RFX2: variants seen among roughly 807,000 people sequenced by gnomAD.
RFX2 encodes the protein DNA-binding protein RFX2.
In RFX2, 20 loss-of-function variants were observed where a neutral mutation model predicts 87.8. The ratio of observed to expected loss-of-function variants is 0.23; its 90% CI spans 0.16 to 0.33. RFX2 has a LOEUF of 0.33. Ranked by LOEUF, RFX2 falls within the 10% of genes least tolerant of loss-of-function variation. RFX2 has a pLI of 1.00. For synonymous variants in RFX2, 397 were observed against 431.3 expected, an observed-to-expected ratio of 0.92 and a Z score of 0.98; for missense variants, 767 against 1,012.3, an observed-to-expected ratio of 0.76 and a Z score of 3.29.
rs758690114 is a variant in RFX2, at chr19:6,042,130, C to T, written c.181-7G>A. 2 of 1,613,498 alleles carry T rather than the reference C, an allele frequency of 1.2e-6. No individual in the cohort carries two copies. Among genetic ancestry groups the T allele is most frequent in the South Asian group, 2.2e-5 (2 of 91,086 alleles). On this transcript the variant is annotated splice_polypyrimidine_tract_variant and splice_region_variant and intron_variant, in intron 3 of 17. Coordinates refer to ENST00000303657, the MANE Select transcript of RFX2 (RefSeq NM_000635.4). ...CGTGCTGCACCGGCTGCACCTGAAA[C>T]ATCGGATACGCTGCGTTACCGCCAG...
rs1257456418 is a variant in RFX2 at position 6,083,961 on chromosome 19, C to T, written c.-9+26432G>A. On this transcript the variant is annotated intron_variant, in intron 1 of 17. Transcript: ENST00000303657. This position sits in a 1 kb window ranked among gnomAD's most constrained non-coding sequence, Gnocchi z 4.6. ...ACATTCTCTTCCCAGCCCCAGATCT[C>T]CAAATACAGGAGATGAGCACACGTG... 6.6e-6 allele frequency among the ~76,000 whole-genome samples: 1 copy of T among 152,142 alleles called. No individual in the cohort carries two copies. The highest frequency in any genetic ancestry group is 2.4e-5 in the African/African-American group (1 of 41,422).
At chr19:6,070,775 C>T (rs929278064) in intron 1 of RFX2, among the ~76,000 whole-genome samples, 3 of 152,190 alleles carry the variant, frequency 2.0e-5, no homozygotes, top group Non-Finnish European at 4.4e-5. Flanking sequence ...GATCATAGCT[C>T]ACTGCAGCCT....
Position 6,063,611 on chromosome 19 carries a change from GA to G in RFX2, c.-8-16108del, listed in dbSNP as rs899353971. 1.1e-4 allele frequency among the ~76,000 whole-genome samples: 16 copies of G among 152,230 alleles called. No individual in the cohort carries two copies. Among genetic ancestry groups the G allele is most frequent in the Non-Finnish European group, 2.2e-4 (15 of 68,036 alleles). ...CGTTGAAGAAGGAGGGAGGCAGAGA[GA>G]CAGCAGCCAGCAGCTCCAAAGGGGA... On this transcript the variant is annotated intron_variant, in intron 1 of 17. Coordinates refer to ENST00000303657, the MANE Select transcript of RFX2 (RefSeq NM_000635.4). The surrounding 1 kb of genome is among the most constrained non-coding windows in gnomAD (Gnocchi z 4.0).
rs1395914942 is a variant in RFX2 at position 5,998,748 on chromosome 19, C to T, written c.1860-1535G>A. 6.6e-6 allele frequency among the ~76,000 whole-genome samples: 1 copy of T among 152,164 alleles called. No homozygotes were observed. The highest frequency in any genetic ancestry group is 1.5e-5 in the Non-Finnish European group (1 of 68,042). On this transcript the variant is annotated intron_variant, in intron 15 of 17. Transcript: ENST00000303657. This position sits in a 1 kb window ranked among gnomAD's most constrained non-coding sequence, Gnocchi z 4.2. ...GTCCAAAGTATTTCCAGAACATCGC[C>T]TGCGGTCACCCCGGTATCTCTGGGT...
At chr19:6,072,894 G>A in intron 1 of RFX2, 1 of 1,119,510 alleles carries the variant, frequency 8.9e-7, no homozygotes, top group Non-Finnish European at 1.3e-6. Context: ...TCTGGCACCA[G>A]TCAGACCAAC....
At chr19:6,108,707 G>C (rs113206366) in intron 1 of RFX2, among the ~76,000 whole-genome samples, 1,768 of 152,306 alleles carry the variant, frequency 0.012, 13 homozygotes, top group Non-Finnish European at 0.019. Context: ...TGAAGCCTGG[G>C]GGGGCGGGGG....
chr19:6,003,033 G>A (rs972678850), intron 13 of RFX2, among the ~76,000 whole-genome samples, 163 bp from the exon 14 acceptor site: 1 of 152,190 alleles, frequency 6.6e-6, no homozygotes. Flanking sequence ...TAAGGACCCA[G>A]TGTGTGAGAA....
intron 9 of RFX2, 96 bp from the exon 10 acceptor site, chr19:6,008,320 G>A (rs2086614546): frequency 1.6e-6 from 1 of 637,066 alleles, no homozygotes; most frequent in Non-Finnish European, 2.7e-6. Flanking sequence ...AGAAACAGAT[G>A]TTCTGCCCCA....
rs2144734468 is a variant in RFX2 at position 6,026,300 on chromosome 19, A to T, written c.523-63T>A. The T allele has an allele frequency of 7.4e-7, 1 of 1,353,332 alleles. No homozygotes were observed. Among genetic ancestry groups the T allele is most frequent in the Non-Finnish European group, 1.0e-6 (1 of 955,166 alleles). 83.8% of individuals were successfully genotyped at this position (1,353,332 alleles called of 1,614,324 possible). ...TGGAAAAAAAAAAAAAGGAAATCAG[A>T]TGGTTAGCATCAGCCAAGATTTGTT... is the stretch of plus-strand genomic sequence containing the variant. On this transcript the variant is annotated intron_variant, in intron 5 of 17. Transcript: ENST00000303657. This position sits in a 1 kb window ranked among gnomAD's most constrained non-coding sequence, Gnocchi z 4.5.
rs925037619 is a variant in RFX2, at chr19:6,027,617, G to T, written c.523-1380C>A. On this transcript the variant is annotated intron_variant, in intron 5 of 17. Coordinates refer to ENST00000303657, the MANE Select transcript of RFX2 (RefSeq NM_000635.4). This position sits in a 1 kb window ranked among gnomAD's most constrained non-coding sequence, Gnocchi z 5.0. ...CTGGAAGTCTGCCCTAATCTCAGGG[G>T]GCCTTGTCCAGTGCCCAGCAGACTG... is the stretch of plus-strand genomic sequence containing the variant. 3.9e-5 allele frequency among the ~76,000 whole-genome samples: 6 copies of T among 152,126 alleles called. No individual in the cohort carries two copies. Among genetic ancestry groups the T allele is most frequent in the Non-Finnish European group, 7.4e-5 (5 of 68,026 alleles).
At chr19:6,053,878 C>T (rs2087295957) in intron 1 of RFX2, among the ~76,000 whole-genome samples, 1 of 149,544 alleles carries the variant, frequency 6.7e-6, no homozygotes, top group Non-Finnish European at 1.5e-5. Flanking sequence ...ATTGCTTGAA[C>T]CAAGGAGGCA....
intron 1 of RFX2, among the ~76,000 whole-genome samples, chr19:6,106,046 C>A (rs2144917340): frequency 6.6e-6 from 1 of 152,318 alleles, no homozygotes; most frequent in Admixed American, 6.5e-5. Context: ...CTGTTAGGGC[C>A]TCTCTCTGGA....
intron 5 of RFX2, among the ~76,000 whole-genome samples, chr19:6,028,272 C>T (rs940925103): frequency 3.3e-5 from 5 of 151,524 alleles, no homozygotes; most frequent in South Asian, 2.1e-4. Context: ...CTGTAGAGTG[C>T]GTGACTTACA....
chr19:6,037,070 G>A (rs1568518187), intron 5 of RFX2, among the ~76,000 whole-genome samples: 1 of 152,008 alleles, frequency 6.6e-6, no homozygotes, highest in African/African-American at 2.4e-5. Context: ...AGATCACGAG[G>A]TCAGGAGATG....
At chr19:6,085,122 C>G (rs2087839156) in intron 1 of RFX2, among the ~76,000 whole-genome samples, 1 of 152,098 alleles carries the variant, frequency 6.6e-6, no homozygotes, top group Non-Finnish European at 1.5e-5. Flanking sequence ...GAGTTGCTGC[C>G]ACATTTTAGC....
chr19:6,010,121 G>A lies in RFX2; in HGVS notation c.1015+15C>T. 4 of 1,512,492 alleles carry A rather than the reference G, an allele frequency of 2.6e-6. No individual in the cohort carries two copies. The highest frequency in any genetic ancestry group is 3.6e-6 in the Non-Finnish European group (4 of 1,115,228). 93.7% of individuals were successfully genotyped at this position (1,512,492 alleles called of 1,614,324 possible). On this transcript the variant is annotated intron_variant, in intron 9 of 17. Coordinates refer to ENST00000303657, the MANE Select transcript of RFX2 (RefSeq NM_000635.4). This position sits in a 1 kb window ranked among gnomAD's most constrained non-coding sequence, Gnocchi z 5.0. ...AGATGGGAGCCCCGCCCCCGGGCCTGACCGGGCCTCTCACCTATGTACTGC... is the reference window on the plus strand; with the variant it reads ...AGATGGGAGCCCCGCCCCCGGGCCTAACCGGGCCTCTCACCTATGTACTGC...
At chr19:6,015,894 G>T (rs538800476) in intron 7 of RFX2, among the ~76,000 whole-genome samples, 196 bp downstream of exon 7, 1 of 152,302 alleles carries the variant, frequency 6.6e-6, no homozygotes, top group South Asian at 2.1e-4. Flanking sequence ...CCTATCACCG[G>T]CTTCTAAAGC....
At chr19:6,070,073 G>A (rs2087575912) in intron 1 of RFX2, among the ~76,000 whole-genome samples, 1 of 3,182 alleles carries the variant, frequency 3.1e-4, no homozygotes, top group Non-Finnish European at 8.1e-4. Flanking sequence ...GGGATGGGAT[G>A]TGGATGGGAT....
intron 6 of RFX2, among the ~76,000 whole-genome samples, chr19:6,018,116 T>C (rs2086755665): frequency 6.6e-6 from 1 of 152,082 alleles, no homozygotes; most frequent in African/African-American, 2.4e-5. Context: ...GCTGGCATTA[T>C]AGGCATGCAC....
Sources: gnomAD v4.1 joint callset for allele counts (sites outside exome capture counted in the v4.1 genomes callset) on GRCh38, gnomAD v4.1.1 for gene constraint, Gnocchi (gnomAD v3.1) non-coding constraint, MANE v1.5 for transcripts, NCBI Gene and HGNC (gene_info 2026-07-23, HGNC 2026-07-21) for gene names.